ERMAP: variants seen among roughly 807,000 people sequenced by gnomAD.
ERMAP encodes the protein erythroid membrane-associated protein.
A neutral mutation model predicts 49.5 loss-of-function variants in ERMAP; 34 were observed. The observed-to-expected ratio is 0.69, with a 90% CI of 0.52 to 0.91. ERMAP has a LOEUF of 0.91. Among genes scored for constraint, ERMAP ranks in the 40% least tolerant of loss-of-function variants. The pLI, the probability that ERMAP is intolerant of heterozygous loss-of-function variation, is 0.00. For synonymous variants in ERMAP, 214 were observed against 232.2 expected (o/e 0.92, Z 0.71); for missense variants, 541 against 582.6 (o/e 0.93, Z 0.74).
chr1:42,841,403 C>A (rs185594571), intron 11 of ERMAP, among the ~76,000 whole-genome samples: 54 of 152,260 alleles, frequency 3.5e-4, no homozygotes, highest in Admixed American at 1.0e-3. Context: ...GTCCTACGTA[C>A]TTGGGAGGCT....
In ERMAP at chr1:42,843,983, G is replaced by A; in HGVS notation, c.*751G>A. 1 of 398,206 alleles carries A rather than the reference G, an allele frequency of 2.5e-6. No individual in the cohort carries two copies. The highest frequency in any genetic ancestry group is 4.4e-6 in the Non-Finnish European group (1 of 225,920). The allele number at this position is 398,206 out of a possible 1,614,324, so 24.7% of individuals were successfully genotyped here. A position where few individuals can be genotyped will look rare whatever the true frequency, so the allele number is the denominator to read the frequency against. ...GTTGCAGAGAACTCAGCTGTATGTT[G>A]CCCTCTGACCTTGGCCCAGACCTTC... On this transcript the variant is annotated 3_prime_UTR_variant, in exon 12 of 12. Coordinates refer to ENST00000372517, the MANE Select transcript of ERMAP (RefSeq NM_001017922.2).
At chr1:42,825,561 A>G (rs1357279857) in intron 1 of ERMAP, 62 bp from the exon 2 acceptor site, 1 of 1,230,104 alleles carries the variant, frequency 8.1e-7, no homozygotes, top group Non-Finnish European at 1.0e-6. Context: ...CTGTGGGGGC[A>G]GAGAGAGCCC....
chr1:42,833,282 A>C (rs1273589937), intron 4 of ERMAP, among the ~76,000 whole-genome samples: 2 of 152,268 alleles, frequency 1.3e-5, no homozygotes, highest in Admixed American at 6.5e-5. Flanking sequence ...AAAAAATCCA[A>C]AATATTTAAA....
chr1:42,842,980 C>T lies in ERMAP; in HGVS notation c.1176C>T (p.Arg392=), dbSNP rs1337343726. 6.2e-7 allele frequency: 1 copy of T among 1,614,186 alleles called. No homozygotes were observed. The highest frequency in any genetic ancestry group is 8.5e-7 in the Non-Finnish European group (1 of 1,180,040). ...TFTHNFSGPL[R]PFFEPCLHDG... ...CCCACAATTTCTCTGGCCCCCTTCGCCCTTTCTTTGAACCTTGCCTTCATG... is the reference window on the plus strand; with the variant it reads ...CCCACAATTTCTCTGGCCCCCTTCGTCCTTTCTTTGAACCTTGCCTTCATG... Residue 392 remains arginine, a synonymous_variant, in exon 12 of 12, where the codon CGC becomes CGT. Transcript: ENST00000372517.
chr1:42,837,292 T>C (rs1557612376), intron 7 of ERMAP, 102 bp downstream of exon 7: 6 of 1,222,346 alleles, frequency 4.9e-6, no homozygotes, highest in Non-Finnish European at 7.1e-6. Flanking sequence ...TTTATAATAC[T>C]GTACACACAT....
intron 2 of ERMAP, among the ~76,000 whole-genome samples, chr1:42,827,977 A>G (rs35531445): frequency 0.025 from 3,812 of 152,246 alleles, 183 homozygotes; most frequent in African/African-American, 0.087. Context: ...TGGAGAAACA[A>G]CAAATGCAAT....
At chr1:42,829,761 A>G (rs1056182235) in intron 2 of ERMAP, among the ~76,000 whole-genome samples, 1 of 152,164 alleles carries the variant, frequency 6.6e-6, no homozygotes, top group Non-Finnish European at 1.5e-5. Context: ...CTGTGAGGAC[A>G]GTTTCCCTTC....
Position 42,835,757 on chromosome 1 carries a change from G to C in ERMAP, c.576G>C (p.Thr192=), listed in dbSNP as rs374399714. 6.2e-7 allele frequency: 1 copy of C among 1,610,158 alleles called. No individual in the cohort carries two copies. Among genetic ancestry groups the C allele is most frequent in the Non-Finnish European group, 8.5e-7 (1 of 1,178,318 alleles). The change falls in exon 6 of 12, where the codon ACG becomes ACC. Residue 192 remains threonine (T), a synonymous_variant. Transcript: ENST00000372517. ...AAAAGCTTCTCTATGAACATGTGACGGAGGTGGGTAAGTGTTCTTGGCTGG... is the reference window on the plus strand; with the variant it reads ...AAAAGCTTCTCTATGAACATGTGACCGAGGTGGGTAAGTGTTCTTGGCTGG... The part of the protein sequence containing the change: ...AKEKLLYEHV[T]EVDNLLSDHA...
At chr1:42,835,003 T>TGA in intron 4 of ERMAP, 35 bp from the exon 5 acceptor site, 1 of 861,126 alleles carries the variant, frequency 1.2e-6, no homozygotes, top group Non-Finnish European at 2.0e-6. Context: ...CTTAGACATC[T>TGA]CCCTGAGGTC....
At chr1:42,833,079 G>A (rs976768874) in intron 4 of ERMAP, among the ~76,000 whole-genome samples, 1 of 152,236 alleles carries the variant, frequency 6.6e-6, no homozygotes, top group African/African-American at 2.4e-5. Flanking sequence ...AATGTGTCCT[G>A]AACCATCCAC....
intron 4 of ERMAP, among the ~76,000 whole-genome samples, chr1:42,833,453 A>G (rs1654806499): frequency 6.6e-6 from 1 of 152,194 alleles, no homozygotes; most frequent in Admixed American, 6.5e-5. Flanking sequence ...TTATGATATC[A>G]TGAGCATTTG....
chr1:42,835,671 A>C, intron 5 of ERMAP, 61 bp from the exon 6 acceptor site: 1 of 1,604,770 alleles, frequency 6.2e-7, no homozygotes, highest in African/African-American at 1.3e-5. Context: ...ATCTTGGGAC[A>C]CTTGTGCCTG....
At chr1:42,817,303 G>C in intron 1 of ERMAP, 50 bp downstream of exon 1, 1 of 1,190,378 alleles carries the variant, frequency 8.4e-7, no homozygotes, top group Non-Finnish European at 1.1e-6. Flanking sequence ...CCTGCCCACC[G>C]CCCCTCGTCC....
chr1:42,820,381 CTTT>C (rs35589923), intron 1 of ERMAP, among the ~76,000 whole-genome samples: 44 of 131,358 alleles, frequency 3.3e-4, no homozygotes, highest in Admixed American at 3.8e-4. Context: ...ATCAGTTTCT[CTTT>C]TTTTTTTTTT....
At chr1:42,841,420 G>A (rs878931567) in intron 11 of ERMAP, among the ~76,000 whole-genome samples, 89 of 152,150 alleles carry the variant, frequency 5.8e-4, no homozygotes, top group African/African-American at 2.1e-3. Flanking sequence ...GGCTGCAGTG[G>A]GAGGTTCACC....
At position 42,830,758 on chromosome 1, in the gene ERMAP, T is replaced by C. The variant is rs777297202; in HGVS notation, c.86-10T>C. ...CCCTCCCAGTTGGCCTTGTCTCTTT[T>C]TTTGTCCAGGCCACGCAGGGGATGC... On this transcript the variant is annotated splice_polypyrimidine_tract_variant and intron_variant, in intron 3 of 11. Coordinates refer to ENST00000372517, the MANE Select transcript of ERMAP (RefSeq NM_001017922.2). The C allele has an allele frequency of 1.3e-6, 2 of 1,519,326 alleles. No individual in the cohort carries two copies. The highest frequency in any genetic ancestry group is 2.8e-5 in the African/African-American group (2 of 72,216). The allele number at this position is 1,519,326 out of a possible 1,614,324, so 94.1% of individuals were successfully genotyped here. A position where few individuals can be genotyped will look rare whatever the true frequency, so the allele number is the denominator to read the frequency against.
rs1485064497 is a variant in ERMAP at position 42,830,836 on chromosome 1, C to A, written c.154C>A (p.Leu52Ile). Reference sequence around the variant, plus strand: ...GGGCACAGCCGAGCTGCTCTGCCCTCTCTCCCTCTGGCCCGGGACGGTACC... The same window carrying A: ...GGGCACAGCCGAGCTGCTCTGCCCTATCTCCCTCTGGCCCGGGACGGTACC... ...LGGTAELLCP[L>I]SLWPGTVPKE... The change falls in exon 4 of 12, where the codon CTC (leucine) becomes ATC (isoleucine). Residue 52 changes from leucine to isoleucine, a missense_variant. Physicochemically the swap from Leu to Ile is conservative, Grantham distance 5. Coordinates refer to ENST00000372517, the MANE Select transcript of ERMAP (RefSeq NM_001017922.2). 1 of 1,600,560 alleles carries A rather than the reference C, an allele frequency of 6.2e-7. No homozygotes were observed. The highest frequency in any genetic ancestry group is 8.5e-7 in the Non-Finnish European group (1 of 1,173,648).
rs1426237216 is a variant in ERMAP, at chr1:42,830,568, C to T, written c.85+35C>T. ...TCTGATCCTCTTTCCCTGCCTGGTACATGTGATATTGGCGTCCCCAGAATA... is the reference window on the plus strand; with the variant it reads ...TCTGATCCTCTTTCCCTGCCTGGTATATGTGATATTGGCGTCCCCAGAATA... On this transcript the variant is annotated intron_variant, in intron 3 of 11. Transcript: ENST00000372517. 7.5e-6 allele frequency: 12 copies of T among 1,596,966 alleles called. No homozygotes were observed. In the South Asian group the frequency reaches 1.3e-4, roughly 18 times the overall value.
chr1:42,831,571 T>TCTC (rs796614554), intron 4 of ERMAP, among the ~76,000 whole-genome samples: 1 of 79,912 alleles, frequency 1.3e-5, no homozygotes, highest in Non-Finnish European at 2.3e-5. Flanking sequence ...TTTTTTTTTT[T>TCTC]TCTCTTTTTT....
Sources: allele counts gnomAD v4.1 joint callset (sites outside exome capture counted in the v4.1 genomes callset), GRCh38; gene constraint gnomAD v4.1.1; transcripts MANE v1.5; gene names NCBI Gene and HGNC (gene_info 2026-07-23, HGNC 2026-07-21).